Variants in NAALADL2 observed in about 807,000 individuals in gnomAD.
NAALADL2 encodes inactive N-acetylated-alpha-linked acidic dipeptidase-like protein 2.
A neutral mutation model predicts 87.2 loss-of-function variants in NAALADL2; 76 were observed. The observed-to-expected ratio is 0.87, with a 90% CI of 0.72 to 1.05. The LOEUF is 1.05. Ranked by LOEUF, NAALADL2 falls within the 50% of genes least tolerant of loss-of-function variation. The pLI is 0.00. For missense variants in NAALADL2, 1,089 were observed against 945.8 expected (o/e 1.15, Z -1.99); for synonymous variants, 354 against 331.0 (o/e 1.07, Z -0.75).
intron 2 of NAALADL2, among the ~76,000 whole-genome samples, chr3:174,645,974 A>G (rs573154239): frequency 6.2e-4 from 95 of 152,298 alleles, no homozygotes; most frequent in Non-Finnish European, 1.2e-3. Context: ...GACAGGTAAC[A>G]CAAGCTTTCA....
At chr3:174,506,884 G>T (rs910757571) in intron 1 of NAALADL2, among the ~76,000 whole-genome samples, 1 of 150,972 alleles carries the variant, frequency 6.6e-6, no homozygotes, top group Non-Finnish European at 1.5e-5. Flanking sequence ...TATTAGTGTG[G>T]GCCTCTTTTT....
chr3:175,324,129 T>C (rs775490872), intron 4 of NAALADL2, 46 bp from the exon 5 acceptor site: 3 of 1,563,388 alleles, frequency 1.9e-6, no homozygotes, highest in African/African-American at 1.4e-5. Flanking sequence ...ATATGAACTT[T>C]TAATGTGCAT....
At chr3:174,466,253 G>A (rs2108300490) in intron 1 of NAALADL2, among the ~76,000 whole-genome samples, 1 of 150,814 alleles carries the variant, frequency 6.6e-6, no homozygotes, top group South Asian at 2.1e-4. Flanking sequence ...AATTCATAAA[G>A]TTTCTTAAAA....
intron 9 of NAALADL2, among the ~76,000 whole-genome samples, chr3:175,514,793 G>A (rs536144285): frequency 6.6e-6 from 1 of 152,294 alleles, no homozygotes; most frequent in Admixed American, 6.5e-5. Context: ...GAGAAGTGGA[G>A]TTAATACTGA....
chr3:175,601,435 C>T (rs532728984), intron 10 of NAALADL2, among the ~76,000 whole-genome samples: 1 of 152,182 alleles, frequency 6.6e-6, no homozygotes, highest in Non-Finnish European at 1.5e-5. Context: ...TATGAAAAAT[C>T]CCACTTTATT....
At chr3:174,955,025 G>A (rs1164232474) in intron 1 of NAALADL2, among the ~76,000 whole-genome samples, 1 of 152,000 alleles carries the variant, frequency 6.6e-6, no homozygotes, top group Non-Finnish European at 1.5e-5. Context: ...AATCTAAAAT[G>A]TAATTCAGAG....
chr3:174,909,446 A>C, intron 1 of NAALADL2, among the ~76,000 whole-genome samples: 1 of 152,138 alleles, frequency 6.6e-6, no homozygotes, highest in Admixed American at 6.5e-5. Flanking sequence ...GTGCAAACTC[A>C]TGATCATATA....
chr3:174,534,642 A>G (rs1421137685), intron 1 of NAALADL2, among the ~76,000 whole-genome samples: 1 of 152,188 alleles, frequency 6.6e-6, no homozygotes, highest in African/African-American at 2.4e-5. Flanking sequence ...CTTTCCTACC[A>G]TCTGACTGGC....
At position 175,097,239 on chromosome 3, in the gene NAALADL2, T is replaced by C. The variant is rs764863466; in HGVS notation, c.493T>C (p.Tyr165His). The C allele has an allele frequency of 1.5e-5, 25 of 1,613,124 alleles. No individual in the cohort carries two copies. In the East Asian group the frequency reaches 5.6e-4, roughly 36 times the overall value. Residue 165 changes from tyrosine to histidine, a missense_variant, in exon 2 of 14, where the codon TAT becomes CAT. Tyr to His is a moderately conservative substitution (Grantham distance 83). Coordinates refer to ENST00000454872, the MANE Select transcript of NAALADL2 (RefSeq NM_207015.3). The part of the protein sequence containing the change: ...PSSGTVDPQL[Y>H]QEILKTIQAE... The stretch of plus-strand genomic sequence containing the variant: ...TTCAGGAACAGTTGATCCTCAGTTA[T>C]ATCAAGAGATTCTCAAGACAATCCA...
intron 11 of NAALADL2, among the ~76,000 whole-genome samples, chr3:175,663,086 G>T (rs1732479666): frequency 6.6e-6 from 1 of 151,650 alleles, no homozygotes; most frequent in South Asian, 2.1e-4. Context: ...AATTGGTATT[G>T]GTTCTTCTTT....
At chr3:175,690,695 T>C (rs1440681910) in intron 11 of NAALADL2, among the ~76,000 whole-genome samples, 1 of 152,050 alleles carries the variant, frequency 6.6e-6, no homozygotes, top group Non-Finnish European at 1.5e-5. Flanking sequence ...TTTAGGAACC[T>C]TTAGAATTTA....
At chr3:174,456,411 C>CAA (rs59833697) in intron 1 of NAALADL2, among the ~76,000 whole-genome samples, 2,691 of 56,370 alleles carry the variant, frequency 0.048, 261 homozygotes, top group Middle Eastern at 0.097. Flanking sequence ...CAATCCTAAG[C>CAA]AAAAAAAAAA....
At chr3:175,430,787 G>T (rs1717617562) in intron 5 of NAALADL2, among the ~76,000 whole-genome samples, 1 of 151,974 alleles carries the variant, frequency 6.6e-6, no homozygotes, top group Non-Finnish European at 1.5e-5. Flanking sequence ...TAACTATAAT[G>T]CAGATTTAGA....
rs1560434036 is a variant in NAALADL2, at chr3:175,363,898, T to C, written c.1090+39573T>C. Among the ~76,000 whole-genome samples the C allele has an allele frequency of 1.4e-5, 2 of 148,024 alleles. 1 individual carries two copies. Among genetic ancestry groups the C allele is most frequent in the Non-Finnish European group, 3.0e-5 (2 of 66,476 alleles). On this transcript the variant is annotated intron_variant, in intron 5 of 13. Transcript: ENST00000454872. ...AAATAATGCATATTGAACTATCCTG[T>C]GTATTAGAAATTAGTTTCCTAGTTC...
chr3:175,465,471 A>ATTTTTTTTTTTTTTTTT (rs1560595976), intron 7 of NAALADL2, among the ~76,000 whole-genome samples: 9 of 129,028 alleles, frequency 7.0e-5, no homozygotes, highest in African/African-American at 3.0e-4. Flanking sequence ...CATGAATTAA[A>ATTTTTTTTTTTTTTTTT]TCTTTTTTTT....
At chr3:175,617,081 C>T (rs1243971420) in intron 10 of NAALADL2, among the ~76,000 whole-genome samples, 1 of 152,086 alleles carries the variant, frequency 6.6e-6, no homozygotes, top group Non-Finnish European at 1.5e-5. Context: ...GGCTTTCAAA[C>T]ATGATTAAAA....
At chr3:175,401,416 T>C (rs572950797) in intron 5 of NAALADL2, among the ~76,000 whole-genome samples, 1 of 152,256 alleles carries the variant, frequency 6.6e-6, no homozygotes, top group Non-Finnish European at 1.5e-5. Context: ...ATATTTTGAA[T>C]GGAATGTGTG....
chr3:174,653,232 A>T (rs1271769441), intron 2 of NAALADL2, among the ~76,000 whole-genome samples: 3 of 152,214 alleles, frequency 2.0e-5, no homozygotes, highest in Non-Finnish European at 4.4e-5. Context: ...GCAGCATCAT[A>T]TATATAGCAG....
chr3:175,629,548 A>C (rs1383493701), intron 11 of NAALADL2, among the ~76,000 whole-genome samples: 1 of 151,596 alleles, frequency 6.6e-6, no homozygotes, highest in African/African-American at 2.4e-5. Flanking sequence ...GAATCAGTAA[A>C]ATCAAGGATT....
Sources: allele counts gnomAD v4.1 joint callset (sites outside exome capture counted in the v4.1 genomes callset), GRCh38; gene constraint gnomAD v4.1.1; transcripts MANE v1.5; gene names NCBI Gene and HGNC (gene_info 2026-07-23, HGNC 2026-07-21).